The following ABCC8 variants were observed in gnomAD, a reference collection of about 807,000 sequenced individuals.
ABCC8 encodes the protein ATP-binding cassette sub-family C member 8.
A neutral mutation model predicts 188.0 loss-of-function variants in ABCC8; 137 were observed. The ratio of observed to expected loss-of-function variants is 0.73; its 90% confidence interval spans 0.63 to 0.84. ABCC8 has a LOEUF of 0.84. ABCC8 is among the 40% of genes least tolerant of loss of function. The probability of loss-of-function intolerance (pLI) is 0.00; values close to 1 mark genes in which losing one functional copy is unlikely to be tolerated. For missense variants in ABCC8, 1,750 were observed against 2,072.7 expected (o/e 0.84, Z 3.02); for synonymous variants, 797 against 846.5 (o/e 0.94, Z 1.01).
intron 9 of ABCC8, 69 bp downstream of exon 9, chr11:17,443,109 G>A: frequency 1.3e-6 from 2 of 1,575,872 alleles, no homozygotes; most frequent in Non-Finnish European, 1.7e-6. Flanking sequence ...GGGTGTGTGG[G>A]AGGAGACCTG....
At chr11:17,434,530 C>A (rs978860178) in intron 10 of ABCC8, among the ~76,000 whole-genome samples, 1 of 152,150 alleles carries the variant, frequency 6.6e-6, no homozygotes, top group African/African-American at 2.4e-5. Context: ...AGCAACAAAC[C>A]ATCCCAAACG....
At chr11:17,398,780 G>A (rs2133415114) in intron 29 of ABCC8, among the ~76,000 whole-genome samples, 1 of 152,126 alleles carries the variant, frequency 6.6e-6, no homozygotes, top group East Asian at 1.9e-4. Flanking sequence ...GTCCTCTTAT[G>A]TCTCTCTCTA....
intron 12 of ABCC8, chr11:17,430,590 C>T (rs773927774): frequency 1.7e-4 from 103 of 614,230 alleles, no homozygotes; most frequent in Non-Finnish European, 2.5e-4. Flanking sequence ...ACAGTGAGTC[C>T]CCTCTCCTGG....
At chr11:17,412,934 G>T in intron 20 of ABCC8, 188 bp from the exon 21 acceptor site, 1 of 1,299,080 alleles carries the variant, frequency 7.7e-7, no homozygotes, top group Non-Finnish European at 1.0e-6. Flanking sequence ...GGCAGCATGA[G>T]CCCCAAGTCT....
chr11:17,457,023 T>C (rs941443884), intron 6 of ABCC8, among the ~76,000 whole-genome samples: 1 of 152,142 alleles, frequency 6.6e-6, no homozygotes, highest in African/African-American at 2.4e-5. Flanking sequence ...AAGGGGCATC[T>C]AATTCAACCA....
At position 17,406,933 on chromosome 11, in the gene ABCC8, G is replaced by T. The variant is rs199723884; in HGVS notation, c.3117C>A (p.Ser1039Arg). ...TGGCTGCAGGGGTCAGGGTCAGGGCGCTGTCGGTCCACTTGGCCAGCCAGT... is the reference window on the plus strand; with the variant it reads ...TGGCTGCAGGGGTCAGGGTCAGGGCTCTGTCGGTCCACTTGGCCAGCCAGT... Reference protein sequence around the residue: ...IDYWLAKWTDSALTLTPAARN... With the variant: ...IDYWLAKWTDRALTLTPAARN... The change falls in exon 25 of 39, where the codon AGC (serine) becomes AGA (arginine). Residue 1039 changes from serine to arginine, a missense_variant. Physicochemically the swap from Ser to Arg is moderately radical, Grantham distance 110. Transcript: ENST00000389817. 6.2e-7 allele frequency: 1 copy of T among 1,614,090 alleles called. No homozygotes were observed. The highest frequency in any genetic ancestry group is 1.7e-5 in the Admixed American group (1 of 60,030).
At chr11:17,459,225 C>T (rs1957098906) in intron 6 of ABCC8, among the ~76,000 whole-genome samples, 1 of 152,232 alleles carries the variant, frequency 6.6e-6, no homozygotes, top group African/African-American at 2.4e-5. Context: ...AAAATATACT[C>T]ACGCCAAAGG....
At chr11:17,452,593 A>C (rs1318465827) in intron 7 of ABCC8, among the ~76,000 whole-genome samples, 1 of 152,156 alleles carries the variant, frequency 6.6e-6, no homozygotes, top group Non-Finnish European at 1.5e-5. Context: ...TCAGGTAGTA[A>C]TGCTTGCTCC....
Position 17,404,219 on chromosome 11 carries a change from AAATG to A in ABCC8, c.3557+289_3557+292del, listed in dbSNP as rs2133436892. Reference sequence around the variant, plus strand: ...AACCCTCCTGGGAAGCATGTTGGCAAAATGAATGAAGGGCATAAAATGTGCATTT... The same window carrying A: ...AACCCTCCTGGGAAGCATGTTGGCAAAATGAAGGGCATAAAATGTGCATTT... On this transcript the variant is annotated intron_variant, in intron 28 of 38. Coordinates refer to ENST00000389817, the MANE Select transcript of ABCC8 (RefSeq NM_000352.6). This position sits in a 1 kb window ranked among gnomAD's most constrained non-coding sequence, Gnocchi z 4.7. Among the ~76,000 whole-genome samples, 1 of 152,334 alleles carries A rather than the reference AAATG, an allele frequency of 6.6e-6. No individual in the cohort carries two copies. The highest frequency in any genetic ancestry group is 6.5e-5 in the Admixed American group (1 of 15,300).
chr11:17,445,110 C>T (rs1051592973), intron 8 of ABCC8, among the ~76,000 whole-genome samples: 1 of 152,220 alleles, frequency 6.6e-6, no homozygotes, highest in African/African-American at 2.4e-5. Context: ...GGCACCTGCC[C>T]TCTCTGGGCC....
chr11:17,471,656 G>A (rs1175313561), intron 2 of ABCC8, among the ~76,000 whole-genome samples: 1 of 152,214 alleles, frequency 6.6e-6, no homozygotes, highest in Non-Finnish European at 1.5e-5. Flanking sequence ...TCATAAAGGA[G>A]AGGCATGTCG....
Position 17,460,791 on chromosome 11 carries a change from C to T in ABCC8, c.823-115G>A, listed in dbSNP as rs1957162187. ...TCTGGGGAAACCCAGTGGTCACATC[C>T]TCTGCAAATAGGTGAACTCCAGGAA... On this transcript the variant is annotated intron_variant, in intron 5 of 38. Transcript: ENST00000389817. 10 of 1,542,392 alleles carry T rather than the reference C, an allele frequency of 6.5e-6. No individual in the cohort carries two copies. In the East Asian group the frequency reaches 7.2e-5, roughly 11 times the overall value.
At chr11:17,452,393 G>A (rs147387106) in intron 7 of ABCC8, among the ~76,000 whole-genome samples, 2,803 of 152,290 alleles carry the variant, frequency 0.018, 100 homozygotes, top group African/African-American at 0.065. Flanking sequence ...GACTGGTTTC[G>A]TGGAAGACAA....
chr11:17,449,879 T>C (rs927577172), intron 7 of ABCC8, among the ~76,000 whole-genome samples: 1 of 152,352 alleles, frequency 6.6e-6, no homozygotes, highest in South Asian at 2.1e-4. Flanking sequence ...TGTAAGTTTA[T>C]ATATACCATG....
rs1454711291 is a variant in ABCC8 at position 17,470,105 on chromosome 11, T to C, written c.408A>G (p.Leu136=). The change falls in exon 3 of 39, where the codon CTA becomes CTG. Residue 136 remains leucine (L), a synonymous_variant. Transcript: ENST00000389817. ...TCCCTCCTACACCTCACCTACCAATTAGCAGCTTGGGGAAGTTGGAAGTCT... is the reference window on the plus strand; with the variant it reads ...TCCCTCCTACACCTCACCTACCAATCAGCAGCTTGGGGAAGTTGGAAGTCT... ...NIETSNFPKL[L]IALLVYWTLA... 6 of 1,613,986 alleles carry C rather than the reference T, an allele frequency of 3.7e-6. No individual in the cohort carries two copies. In the South Asian group the frequency reaches 6.6e-5, roughly 18 times the overall value.
chr11:17,436,057 C>A, intron 10 of ABCC8: 1 of 979,114 alleles, frequency 1.0e-6, no homozygotes, highest in Non-Finnish European at 1.7e-6. Flanking sequence ...GTTCTTATTC[C>A]AGAACTGCTC....
In ABCC8 at chr11:17,461,491, C is replaced by T. The variant is rs2074317; in HGVS notation, c.822+92G>A. ...AGCCTCAGTTTCCCCTCTTGTCCCACCAGGATTTTGACCTAATGCCCTTTG... is the reference window on the plus strand; with the variant it reads ...AGCCTCAGTTTCCCCTCTTGTCCCATCAGGATTTTGACCTAATGCCCTTTG... On this transcript the variant is annotated intron_variant, in intron 5 of 38. Coordinates refer to ENST00000389817, the MANE Select transcript of ABCC8 (RefSeq NM_000352.6). 0.18 allele frequency: 275,620 copies of T among 1,538,838 alleles called. 26,390 individuals are homozygous for T. Among genetic ancestry groups the T allele is most frequent in the Non-Finnish European group, 0.2 (221,626 of 1,117,062 alleles).
intron 16 of ABCC8, among the ~76,000 whole-genome samples, chr11:17,422,809 T>C (rs1375851091): frequency 6.6e-6 from 1 of 152,184 alleles, no homozygotes; most frequent in East Asian, 1.9e-4. Context: ...GTCCCATCTT[T>C]CATAATGCAC....
Position 17,463,922 on chromosome 11 carries a change from C to T in ABCC8, c.413-318G>A, listed in dbSNP as rs111401304. On this transcript the variant is annotated intron_variant, in intron 3 of 38. Transcript: ENST00000389817. ...ATTTAACTAAGTTACAGGCACTGTG[C>T]CAAGTAAGCACTTTAAACACATGAT... is the stretch of plus-strand genomic sequence containing the variant. Among the ~76,000 whole-genome samples the T allele has an allele frequency of 0.018, 2,744 of 152,272 alleles. 65 individuals are homozygous for T. Among genetic ancestry groups the T allele is most frequent in the African/African-American group, 0.055 (2,284 of 41,538 alleles).
Sources: allele counts gnomAD v4.1 joint callset (sites outside exome capture counted in the v4.1 genomes callset), GRCh38; gene constraint gnomAD v4.1.1; non-coding constraint Gnocchi (gnomAD v3.1); transcripts MANE v1.5; gene names NCBI Gene and HGNC (gene_info 2026-07-23, HGNC 2026-07-21).